The following PCDHGB1 variants were observed in gnomAD, a reference collection of about 807,000 sequenced individuals.
PCDHGB1 encodes the protein protocadherin gamma-B1.
Under a neutral mutation model 56.6 loss-of-function variants are expected in PCDHGB1, and 34 were observed. The observed-to-expected ratio is 0.60, with a 90% CI of 0.46 to 0.80. The LOEUF is 0.80. Among genes scored for constraint, PCDHGB1 ranks in the 30% least tolerant of loss-of-function variants. The pLI is 0.00. For missense variants in PCDHGB1, 1,278 were observed against 1,204.6 expected, an observed-to-expected ratio of 1.06 and a Z score of -0.90; for synonymous variants, 561 against 505.9, an observed-to-expected ratio of 1.11 and a Z score of -1.46.
intron 1 of PCDHGB1, chr5:141,415,377 C>A: frequency 1.2e-6 from 2 of 1,614,236 alleles, no homozygotes; most frequent in Non-Finnish European, 1.7e-6. Flanking sequence ...CTTCAGGAGG[C>A]GGCTTGACAG....
rs1342517284 is a variant in PCDHGB1 at position 141,383,674 on chromosome 5, A to G, written c.2409+31005A>G. ...TGTCCCCGAGAATGTGCCAGTGGGT[A>G]CAAGACTGCTCACGGTACATGCTAT... On this transcript the variant is annotated intron_variant, in intron 1 of 3. Coordinates refer to ENST00000523390, the MANE Select transcript of PCDHGB1 (RefSeq NM_018922.3). 9.3e-6 allele frequency: 15 copies of G among 1,614,034 alleles called. No individual in the cohort carries two copies. The East Asian group carries it at 3.3e-4, about 36-fold the overall frequency.
At chr5:141,437,195 A>G (rs2097867163) in intron 1 of PCDHGB1, among the ~76,000 whole-genome samples, 2 of 152,180 alleles carry the variant, frequency 1.3e-5, no homozygotes, top group African/African-American at 4.8e-5. Context: ...ATGGGTTTGG[A>G]TGTGTTTACA....
At chr5:141,418,307 A>C (rs372854408) in intron 1 of PCDHGB1, 24 of 1,613,982 alleles carry the variant, frequency 1.5e-5, no homozygotes, top group Non-Finnish European at 2.0e-5. Context: ...CAGCCTGGGG[A>C]TGGGAACAAT....
Position 141,384,108 on chromosome 5 carries a change from AT to A in PCDHGB1, c.2409+31441del. 1.9e-6 allele frequency: 3 copies of A among 1,603,570 alleles called. No individual in the cohort carries two copies. In the East Asian group the frequency reaches 6.8e-5, roughly 36 times the overall value. Reference sequence around the variant, plus strand: ...AAAAATCAATAGATAATTATTATAGATTGGTCACAACCAAAAACTTGGACCG... The same window carrying A: ...AAAAATCAATAGATAATTATTATAGATGGTCACAACCAAAAACTTGGACCG... On this transcript the variant is annotated intron_variant, in intron 1 of 3. Transcript: ENST00000523390.
At chr5:141,462,547 T>G (rs534942187) in intron 1 of PCDHGB1, among the ~76,000 whole-genome samples, 1 of 152,330 alleles carries the variant, frequency 6.6e-6, no homozygotes, top group African/African-American at 2.4e-5. Flanking sequence ...TCTTTTCTTC[T>G]TCAGTGTTTA....
Position 141,487,845 on chromosome 5 carries a change from A to C in PCDHGB1, c.2410-6962A>C, listed in dbSNP as rs2099667978. ...GGGTCATGCCTATATCTGAGTAAGA[A>C]ATGAAAGTAATTGGTGATCAAGAGC... On this transcript the variant is annotated intron_variant, in intron 1 of 3. Coordinates refer to ENST00000523390, the MANE Select transcript of PCDHGB1 (RefSeq NM_018922.3). The surrounding 1 kb of genome is among the most constrained non-coding windows in gnomAD (Gnocchi z 5.0). 2.9e-6 allele frequency: 3 copies of C among 1,027,382 alleles called. No homozygotes were observed. Among genetic ancestry groups the C allele is most frequent in the Non-Finnish European group, 4.2e-6 (3 of 716,452 alleles). The allele number at this position is 1,027,382 out of a possible 1,614,324, so 63.6% of individuals were successfully genotyped here.
intron 1 of PCDHGB1, chr5:141,427,456 G>C (rs1172525843): frequency 2.0e-6 from 1 of 492,524 alleles, no homozygotes; most frequent in African/African-American, 1.9e-5. Flanking sequence ...GTTCCTTTTA[G>C]AATCGAATCT....
chr5:141,388,908 G>T, intron 1 of PCDHGB1: 2 of 1,613,892 alleles, frequency 1.2e-6, no homozygotes, highest in East Asian at 2.2e-5. Context: ...AAATGACAAC[G>T]CCCCAGAAGT....
chr5:141,413,992 A>G (rs1437832303), intron 1 of PCDHGB1: 1 of 1,613,538 alleles, frequency 6.2e-7, no homozygotes, highest in Admixed American at 1.7e-5. Flanking sequence ...AGCCACCGAC[A>G]GGGACGAAGG....
rs1027897777 is a variant in PCDHGB1, at chr5:141,510,812, C to T, written c.2558-135C>T. 151 of 1,531,674 alleles carry T rather than the reference C, an allele frequency of 9.9e-5. 1 individual carries two copies. The highest frequency in any genetic ancestry group is 2.5e-5 in the South Asian group (2 of 80,152). 94.9% of individuals were successfully genotyped at this position (1,531,674 alleles called of 1,614,324 possible). A position where few individuals can be genotyped will look rare whatever the true frequency, so the allele number is the denominator to read the frequency against. On this transcript the variant is annotated intron_variant, in intron 3 of 3. Coordinates refer to ENST00000523390, the MANE Select transcript of PCDHGB1 (RefSeq NM_018922.3). ...TGTGAAGAGAGACTACCTTGGTGAC[C>T]CCTATATTCCCAGTGCTCAGCGTGG...
intron 1 of PCDHGB1, among the ~76,000 whole-genome samples, chr5:141,407,444 C>G (rs578101282): frequency 6.7e-6 from 1 of 150,116 alleles, no homozygotes; most frequent in South Asian, 2.1e-4. Flanking sequence ...AAAACCAGAA[C>G]ACGAGGCTCA....
At position 141,360,351 on chromosome 5, in the gene PCDHGB1, G is replaced by C. The variant is rs188525608; in HGVS notation, c.2409+7682G>C. The stretch of plus-strand genomic sequence containing the variant: ...GGAAGCTGCGGGTTAGCGCGGAGAA[G>C]GAATATTTCACAGTAAACCCAGAAA... On this transcript the variant is annotated intron_variant, in intron 1 of 3. Coordinates refer to ENST00000523390, the MANE Select transcript of PCDHGB1 (RefSeq NM_018922.3). The C allele has an allele frequency of 6.2e-7, 1 of 1,613,758 alleles. No homozygotes were observed.
chr5:141,496,663 G>A (rs2099770279), intron 2 of PCDHGB1, among the ~76,000 whole-genome samples: 1 of 152,196 alleles, frequency 6.6e-6, no homozygotes, highest in Admixed American at 6.5e-5. Context: ...GACCCCAGCT[G>A]TTGTCCTTCT....
rs73265845 is a variant in PCDHGB1, at chr5:141,370,729, A to T, written c.2409+18060A>T. On this transcript the variant is annotated intron_variant, in intron 1 of 3. Coordinates refer to ENST00000523390, the MANE Select transcript of PCDHGB1 (RefSeq NM_018922.3). The stretch of plus-strand genomic sequence containing the variant: ...CTGGAATTTGAAATGGTTGCTGAAA[A>T]GCCTTTAAACTTTTTTCATGTAACT... The T allele has an allele frequency of 1.5e-3, 2,398 of 1,613,868 alleles. 32 individuals are homozygous for T. In the African/African-American group the frequency reaches 0.028, roughly 19 times the overall value.
At chr5:141,357,707 C>A in intron 1 of PCDHGB1, 1 of 1,473,478 alleles carries the variant, frequency 6.8e-7, no homozygotes, top group East Asian at 2.4e-5. Flanking sequence ...TGTAATATAT[C>A]AAATAAAGTT....
intron 1 of PCDHGB1, among the ~76,000 whole-genome samples, chr5:141,457,029 C>G (rs2098904194): frequency 6.6e-6 from 1 of 152,170 alleles, no homozygotes; most frequent in Non-Finnish European, 1.5e-5. Flanking sequence ...TCCTAGTAGA[C>G]TCAGTGATAG....
chr5:141,389,905 C>T (rs1254194844), intron 1 of PCDHGB1: 1 of 1,613,984 alleles, frequency 6.2e-7, no homozygotes, highest in Non-Finnish European at 8.5e-7. Flanking sequence ...CCGGATATCA[C>T]TGACCGCCCC....
At chr5:141,428,018 C>A in intron 1 of PCDHGB1, 12 of 1,604,570 alleles carry the variant, frequency 7.5e-6, no homozygotes, top group Middle Eastern at 1.7e-4. Context: ...TAGTGCCACG[C>A]GCCGCAGAGT....
At chr5:141,441,878 TG>T in intron 1 of PCDHGB1, 1 of 343,708 alleles carries the variant, frequency 2.9e-6, no homozygotes, top group Non-Finnish European at 5.6e-6. Context: ...CCTGGCTACC[TG>T]GTCACCAAGG....
Sources: gnomAD v4.1 joint callset for allele counts (sites outside exome capture counted in the v4.1 genomes callset) on GRCh38, gnomAD v4.1.1 for gene constraint, Gnocchi (gnomAD v3.1) non-coding constraint, MANE v1.5 for transcripts, NCBI Gene and HGNC (gene_info 2026-07-23, HGNC 2026-07-21) for gene names.